Variants in RUBCN observed in about 807,000 individuals in gnomAD.
RUBCN encodes the protein run domain Beclin-1-interacting and cysteine-rich domain-containing protein.
RUBCN carries 74 observed loss-of-function variants against 113.2 expected under a neutral mutation model. That is an observed-to-expected ratio of 0.65 (90% CI 0.54 to 0.79). RUBCN has a LOEUF of 0.79. Ranked by LOEUF, RUBCN falls within the 30% of genes least tolerant of loss-of-function variation. The pLI, the probability that RUBCN is intolerant of heterozygous loss-of-function variation, is 0.00. For synonymous variants in RUBCN, 480 were observed against 490.0 expected (o/e 0.98, Z 0.27); for missense variants, 1,109 against 1,251.7 (o/e 0.89, Z 1.72).
chr3:197,706,640 T>A (rs2108923434), intron 2 of RUBCN, among the ~76,000 whole-genome samples: 1 of 151,976 alleles, frequency 6.6e-6, no homozygotes. Context: ...GCCGAGATCG[T>A]GCTACTACAC....
At position 197,679,152 on chromosome 3, in the gene RUBCN, T is replaced by A. The variant is rs377043190; in HGVS notation, c.2431-1611A>T. On this transcript the variant is annotated intron_variant, in intron 16 of 19. Transcript: ENST00000296343. Reference sequence around the variant, plus strand: ...TGACAACTGGCTTCAGACTGTCCTATGCTCTAACTCGACAAGTGGCTTCAG... The same window carrying A: ...TGACAACTGGCTTCAGACTGTCCTAAGCTCTAACTCGACAAGTGGCTTCAG... 4.5e-3 allele frequency among the ~76,000 whole-genome samples: 635 copies of A among 139,864 alleles called. 7 individuals are homozygous for A. Among genetic ancestry groups the A allele is most frequent in the Middle Eastern group, 0.017 (4 of 242 alleles). The allele number at this position is 139,864 out of a possible 152,430, so 91.8% of individuals were successfully genotyped here.
chr3:197,730,568 A>AT (rs1291161661), intron 1 of RUBCN, among the ~76,000 whole-genome samples: 16,813 of 138,604 alleles, frequency 0.12, 1,233 homozygotes, highest in African/African-American at 0.21. Context: ...TACACCCTAG[A>AT]TTTTTTTTTT....
In RUBCN at chr3:197,675,718, G is replaced by A. The variant is rs1215841457; in HGVS notation, c.2647-203C>T. 6.6e-6 allele frequency among the ~76,000 whole-genome samples: 1 copy of A among 152,186 alleles called. No individual in the cohort carries two copies. Among genetic ancestry groups the A allele is most frequent in the Non-Finnish European group, 1.5e-5 (1 of 68,032 alleles). On this transcript the variant is annotated intron_variant, in intron 18 of 19. Coordinates refer to ENST00000296343, the MANE Select transcript of RUBCN (RefSeq NM_014687.4). The surrounding 1 kb of genome is among the most constrained non-coding windows in gnomAD (Gnocchi z 4.4). ...AAAGCTTTAGGCAGAAGATCAGACAGGCACCAGCCGGAGAAGCTCCGACCC... is the reference window on the plus strand; with the variant it reads ...AAAGCTTTAGGCAGAAGATCAGACAAGCACCAGCCGGAGAAGCTCCGACCC...
chr3:197,703,769 C>T, intron 4 of RUBCN, 115 bp from the exon 5 acceptor site: 1 of 723,874 alleles, frequency 1.4e-6, no homozygotes, highest in Admixed American at 2.0e-5. Flanking sequence ...GAAGGCAGAT[C>T]AGAAACAAAG....
chr3:197,718,901 G>A (rs957742748), intron 1 of RUBCN, among the ~76,000 whole-genome samples: 1 of 152,222 alleles, frequency 6.6e-6, no homozygotes, highest in Admixed American at 6.5e-5. Context: ...GACAGAAACT[G>A]TAGGACTAAG....
chr3:197,720,107 C>T (rs1485491900), intron 1 of RUBCN, among the ~76,000 whole-genome samples: 1 of 152,108 alleles, frequency 6.6e-6, no homozygotes, highest in African/African-American at 2.4e-5. Context: ...AACAGAGCAC[C>T]AGAACGTACT....
chr3:197,727,231 C>T (rs1726864965), intron 1 of RUBCN, among the ~76,000 whole-genome samples: 1 of 152,342 alleles, frequency 6.6e-6, no homozygotes, highest in African/African-American at 2.4e-5. Context: ...TGAGCCACCT[C>T]ACCTGGCCTA....
intron 1 of RUBCN, among the ~76,000 whole-genome samples, chr3:197,735,109 G>A (rs1009075418): frequency 6.6e-6 from 1 of 151,716 alleles, no homozygotes; most frequent in Non-Finnish European, 1.5e-5. Context: ...TGTCAAGTGA[G>A]GTCAGGCCTG....
At chr3:197,731,744 G>A (rs182918186) in intron 1 of RUBCN, among the ~76,000 whole-genome samples, 38 of 149,554 alleles carry the variant, frequency 2.5e-4, no homozygotes, top group East Asian at 1.4e-3. Flanking sequence ...CTGGCCGGGC[G>A]GGGGGCTGAC....
rs371946154 is a variant in RUBCN at position 197,680,388 on chromosome 3, TCTAA to T, written c.2430+737_2430+740del. ...CAACTGGCTCCAGACTGTCCTGTGCTCTAACTGACAACTGGCTTCAGACTGTCCT... is the reference window on the plus strand; with the variant it reads ...CAACTGGCTCCAGACTGTCCTGTGCTCTGACAACTGGCTTCAGACTGTCCT... On this transcript the variant is annotated intron_variant, in intron 16 of 19. Coordinates refer to ENST00000296343, the MANE Select transcript of RUBCN (RefSeq NM_014687.4). 8.6e-3 allele frequency among the ~76,000 whole-genome samples: 1,276 copies of T among 148,138 alleles called. 12 individuals carry two copies. The highest frequency in any genetic ancestry group is 0.035 in the East Asian group (170 of 4,902).
In RUBCN at chr3:197,674,765, A is replaced by T; in HGVS notation, c.*253T>A. The T allele has an allele frequency of 5.8e-6, 3 of 515,846 alleles. No individual in the cohort carries two copies. Among genetic ancestry groups the T allele is most frequent in the African/African-American group, 2.0e-5 (1 of 50,664 alleles). The allele number at this position is 515,846 out of a possible 1,614,324, so 32.0% of individuals were successfully genotyped here. ...GAGGCACTAGAAGCTTCACTGAAGG[A>T]CCCGCATGTCAGTTCTGATGGAAAC... On this transcript the variant is annotated 3_prime_UTR_variant, in exon 20 of 20. Coordinates refer to ENST00000296343, the MANE Select transcript of RUBCN (RefSeq NM_014687.4).
In RUBCN at chr3:197,701,777, T is replaced by C. The variant is rs1192359394; in HGVS notation, c.658A>G (p.Ser220Gly). ...LPSSTYTPPN[S>G]YAQHSYFGSF... ...CCAAAGTAGGAATGCTGAGCATAGCTGTTTGGAGGGGTGTATGTGGAACTG... is the reference window on the plus strand; with the variant it reads ...CCAAAGTAGGAATGCTGAGCATAGCCGTTTGGAGGGGTGTATGTGGAACTG... The change falls in exon 6 of 20, where the codon AGC (serine) becomes GGC (glycine). Residue 220 changes from serine to glycine, a missense_variant. By Grantham distance (56) the Ser-to-Gly change is moderately conservative. Transcript: ENST00000296343. 6.2e-7 allele frequency: 1 copy of C among 1,614,080 alleles called. No homozygotes were observed. The highest frequency in any genetic ancestry group is 8.5e-7 in the Non-Finnish European group (1 of 1,179,940).
chr3:197,697,127 C>G, intron 7 of RUBCN, 78 bp from the exon 8 acceptor site: 1 of 761,038 alleles, frequency 1.3e-6, no homozygotes, highest in Non-Finnish European at 2.4e-6. Context: ...GGAGTTTCAA[C>G]ACTTAACTGC....
chr3:197,677,493 G>A lies in RUBCN; in HGVS notation c.2479C>T (p.Arg827Ter), dbSNP rs1720574023. 3 of 1,613,982 alleles carry A rather than the reference G, an allele frequency of 1.9e-6. No homozygotes were observed. Among genetic ancestry groups the A allele is most frequent in the South Asian group, 2.2e-5 (2 of 91,082 alleles). Residue 827 changes from arginine to a stop codon, truncating the protein, a stop_gained, in exon 17 of 20, where the codon CGA (arginine) becomes TGA (stop). Transcript: ENST00000296343. LOFTEE classifies it high-confidence loss of function. ...CHMKNMFKTC[R>*]LAKELLDSFD... ...AAAAGGACTTACTCCTTGGCCAGTC[G>A]GCAAGTCTTGAACATGTTCTTCATG...
chr3:197,732,459 G>A (rs1580390253), intron 1 of RUBCN, among the ~76,000 whole-genome samples: 2 of 152,130 alleles, frequency 1.3e-5, no homozygotes, highest in African/African-American at 2.4e-5. Context: ...GACTACAGGC[G>A]CCTGCCACCA....
chr3:197,730,859 CTT>C (rs1021974844), intron 1 of RUBCN, among the ~76,000 whole-genome samples: 1 of 58,934 alleles, frequency 1.7e-5, no homozygotes, highest in African/African-American at 6.4e-5. Context: ...ATTAAAATAT[CTT>C]TTTTTTTCAT....
chr3:197,701,071 G>A lies in RUBCN; in HGVS notation c.803C>T (p.Ala268Val). The part of the protein sequence containing the change: ...PQESRGHVSP[A>V]EDQTIQAPPV... ...GGGGGCTTGGATGGTTTGATCCTCT[G>A]CTGGTGAGACGTGCCCTCTGCTTTC... Residue 268 changes from alanine (A) to valine (V), a missense_variant, in exon 7 of 20, where the codon GCA becomes GTA. Ala to Val is a moderately conservative substitution (Grantham distance 64). Around this residue, in one of 3 missense-constraint regions of RUBCN, gnomAD observed 736 missense variants for 779.6 expected, o/e 0.94. Transcript: ENST00000296343. The A allele has an allele frequency of 6.2e-7, 1 of 1,610,254 alleles. No homozygotes were observed. Among genetic ancestry groups the A allele is most frequent in the Non-Finnish European group, 8.5e-7 (1 of 1,177,266 alleles).
rs962657166 is a variant in RUBCN at position 197,671,100 on chromosome 3, C to T, written c.*3918G>A. Among the ~76,000 whole-genome samples, 7 of 152,130 alleles carry T rather than the reference C, an allele frequency of 4.6e-5. No homozygotes were observed. The highest frequency in any genetic ancestry group is 7.2e-5 in the African/African-American group (3 of 41,408). ...AGCAAGCTTGGCTCACTGCAGCCCT[C>T]GCCTTCCAGGTTCAAGTGATTCTCA... is the stretch of plus-strand genomic sequence containing the variant. On this transcript the variant is annotated 3_prime_UTR_variant, in exon 20 of 20. Transcript: ENST00000296343.
At position 197,670,050 on chromosome 3, in the gene RUBCN, A is replaced by C. The variant is rs1719640476; in HGVS notation, c.*4968T>G. On this transcript the variant is annotated 3_prime_UTR_variant, in exon 20 of 20. Coordinates refer to ENST00000296343, the MANE Select transcript of RUBCN (RefSeq NM_014687.4). Reference sequence around the variant, plus strand: ...ATTACAGGCGCCCGCCATCATGCCCAACTAGCTTTTGTATTTTTAGTAGAG... The same window carrying C: ...ATTACAGGCGCCCGCCATCATGCCCCACTAGCTTTTGTATTTTTAGTAGAG... 6.6e-6 allele frequency among the ~76,000 whole-genome samples: 1 copy of C among 151,994 alleles called. No individual in the cohort carries two copies. Among genetic ancestry groups the C allele is most frequent in the Non-Finnish European group, 1.5e-5 (1 of 67,998 alleles).
Sources: allele counts gnomAD v4.1 joint callset (sites outside exome capture counted in the v4.1 genomes callset), GRCh38; gene constraint gnomAD v4.1.1; regional missense constraint gnomAD v4.1.1; non-coding constraint Gnocchi (gnomAD v3.1); transcripts MANE v1.5; gene names NCBI Gene and HGNC (gene_info 2026-07-23, HGNC 2026-07-21).